The following XKR9 variants were observed in gnomAD, a reference collection of about 807,000 sequenced individuals.
XKR9 encodes the protein XK related 9.
In XKR9, 32 loss-of-function variants were observed where a neutral mutation model predicts 32.0. The observed-to-expected ratio is 1.00, with a 90% CI of 0.76 to 1.34. XKR9 has a LOEUF of 1.34. Ranked by LOEUF, XKR9 falls within the 40% of genes most tolerant of loss-of-function variation. XKR9 has a pLI of 0.00. For missense variants in XKR9, 546 were observed against 429.7 expected, an observed-to-expected ratio of 1.27 and a Z score of -2.39; for synonymous variants, 168 against 143.4, an observed-to-expected ratio of 1.17 and a Z score of -1.22.
the XKR9 span, among the ~76,000 whole-genome samples, chr8:70,980,119 G>T: frequency 2.0e-5 from 3 of 152,246 alleles, no homozygotes; most frequent in African/African-American, 7.2e-5. Flanking sequence ...CATTGAAAAA[G>T]TGCAGTATTT....
At chr8:70,919,913 G>C in the XKR9 span, among the ~76,000 whole-genome samples, 4 of 152,214 alleles carry the variant, frequency 2.6e-5, no homozygotes, top group Non-Finnish European at 5.9e-5. Context: ...AGGGCTATTA[G>C]AGTGGGTAAA....
chr8:70,738,742 A>G (rs1320916673), downstream of XKR9, among the ~76,000 whole-genome samples: 1 of 152,130 alleles, frequency 6.6e-6, no homozygotes, highest in Non-Finnish European at 1.5e-5. Flanking sequence ...GTAGTCATTC[A>G]GGAGCAGGTT....
At chr8:70,892,884 C>A in the XKR9 span, among the ~76,000 whole-genome samples, 4 of 151,984 alleles carry the variant, frequency 2.6e-5, no homozygotes, top group African/African-American at 9.7e-5. Flanking sequence ...ATATCTTTCC[C>A]GAGACTTGGG....
chr8:70,876,102 A>C, the XKR9 span, among the ~76,000 whole-genome samples: 1 of 152,164 alleles, frequency 6.6e-6, no homozygotes, highest in Admixed American at 6.5e-5. Flanking sequence ...AAAGCATAAC[A>C]TATCAGAACT....
chr8:70,754,833 C>T (rs1197266334), intron 2 of XKR9, among the ~76,000 whole-genome samples: 1 of 151,994 alleles, frequency 6.6e-6, no homozygotes, highest in Non-Finnish European at 1.5e-5. Flanking sequence ...TAGGCATTAC[C>T]ATTCAGGACA....
downstream of XKR9, among the ~76,000 whole-genome samples, chr8:70,794,822 T>TG (rs1360012571): frequency 6.8e-5 from 9 of 133,204 alleles, no homozygotes; most frequent in African/African-American, 2.5e-4. Flanking sequence ...GTAGTCTTCT[T>TG]TTGTGTGTGT....
chr8:70,959,381 G>T, the XKR9 span, among the ~76,000 whole-genome samples: 1 of 152,100 alleles, frequency 6.6e-6, no homozygotes, highest in African/African-American at 2.4e-5. Context: ...TCTAAAAATA[G>T]ATCTAATTAA....
the XKR9 span, among the ~76,000 whole-genome samples, chr8:70,868,552 G>A: frequency 1.3e-5 from 2 of 152,142 alleles, no homozygotes; most frequent in African/African-American, 2.4e-5. Flanking sequence ...GGGACACCAG[G>A]GCACCAAGTC....
chr8:70,902,158 A>G, the XKR9 span, among the ~76,000 whole-genome samples: 1 of 152,150 alleles, frequency 6.6e-6, no homozygotes, highest in African/African-American at 2.4e-5. Context: ...TTCCATATGA[A>G]CTTTAAGGTA....
the XKR9 span, among the ~76,000 whole-genome samples, chr8:71,010,484 CTCTT>C: frequency 6.6e-6 from 1 of 152,202 alleles, no homozygotes; most frequent in African/African-American, 2.4e-5. Flanking sequence ...TGGGCCCTGA[CTCTT>C]TCTTACGTCT....
the XKR9 span, among the ~76,000 whole-genome samples, chr8:71,027,779 CGGG>C: frequency 3.8e-4 from 45 of 117,578 alleles, 1 homozygote; most frequent in African/African-American, 7.0e-4. Context: ...TTTTTTTTGG[CGGG>C]GGGGGGGGGT....
intron 4 of XKR9, among the ~76,000 whole-genome samples, chr8:70,714,662 T>C (rs544473696): frequency 6.6e-6 from 1 of 152,150 alleles, no homozygotes; most frequent in African/African-American, 2.4e-5. Flanking sequence ...TAATGTGCCA[T>C]AGGATTTTTT....
chr8:70,708,356 A>G (rs1184112544), intron 4 of XKR9, among the ~76,000 whole-genome samples: 2 of 152,094 alleles, frequency 1.3e-5, no homozygotes, highest in Non-Finnish European at 2.9e-5. Context: ...AGCTATCTTT[A>G]TATTCAATCT....
intron 3 of XKR9, among the ~76,000 whole-genome samples, chr8:70,702,951 A>G (rs1438363331): frequency 6.6e-6 from 1 of 152,162 alleles, no homozygotes; most frequent in Admixed American, 6.5e-5. Context: ...GTGAGAAGTC[A>G]GCCAACACTC....
the XKR9 span, among the ~76,000 whole-genome samples, chr8:70,993,050 G>A: frequency 6.6e-6 from 1 of 152,170 alleles, no homozygotes; most frequent in Non-Finnish European, 1.5e-5. Context: ...ATTATTATGT[G>A]ATTTTTTTAG....
At chr8:70,973,354 T>C in the XKR9 span, among the ~76,000 whole-genome samples, 1 of 152,146 alleles carries the variant, frequency 6.6e-6, no homozygotes, top group Non-Finnish European at 1.5e-5. Flanking sequence ...TCTCTCTTCT[T>C]TTCTTCATTA....
At position 70,778,942 on chromosome 8, in the gene XKR9, C is replaced by A. The variant is rs567716251; in HGVS notation, n.353-10397C>A. Among the ~76,000 whole-genome samples the A allele has an allele frequency of 6.3e-3, 959 of 151,936 alleles. 11 individuals are homozygous for A. The highest frequency in any genetic ancestry group is 0.021 in the African/African-American group (875 of 41,464). The stretch of plus-strand genomic sequence containing the variant: ...TTTCCTAATGGAATACCCTTTATTT[C>A]TCTTTCTTGTCTGACTGCCCTGGCC... On this transcript the variant is annotated intron_variant and non_coding_transcript_variant, in intron 2 of 3. Coordinates refer to the XKR9 transcript ENST00000520273.
the XKR9 span, among the ~76,000 whole-genome samples, chr8:70,851,433 T>C: frequency 6.6e-6 from 1 of 152,170 alleles, no homozygotes; most frequent in East Asian, 1.9e-4. Flanking sequence ...AAAAAACTAC[T>C]TTAAATTTCA....
the XKR9 span, among the ~76,000 whole-genome samples, chr8:70,952,822 C>T: frequency 2.1e-4 from 32 of 152,224 alleles, no homozygotes; most frequent in Non-Finnish European, 4.1e-4. Flanking sequence ...GCTGTAGGCA[C>T]CACTAACCAC....
Sources: gnomAD v4.1 joint callset for allele counts (sites outside exome capture counted in the v4.1 genomes callset) on GRCh38, gnomAD v4.1.1 for gene constraint, MANE v1.5 for transcripts, NCBI Gene and HGNC (gene_info 2026-07-23, HGNC 2026-07-21) for gene names.